Variants in EZH2 observed in about 807,000 individuals in gnomAD.
The protein encoded by EZH2 is histone-lysine N-methyltransferase EZH2.
In EZH2, 18 loss-of-function variants were observed where a neutral mutation model predicts 98.4. The ratio of observed to expected loss-of-function variants is 0.18; its 90% CI spans 0.13 to 0.27. The LOEUF is 0.27. Ranked by LOEUF, EZH2 falls within the 10% of genes least tolerant of loss-of-function variation. The pLI, the probability that EZH2 is intolerant of heterozygous loss-of-function variation, is 1.00. For synonymous variants in EZH2, 338 were observed against 312.3 expected, an observed-to-expected ratio of 1.08 and a Z score of -0.87; for missense variants, 470 against 935.1, an observed-to-expected ratio of 0.50 and a Z score of 6.49.
At chr7:148,831,630 T>C (rs1329890887) in intron 4 of EZH2, among the ~76,000 whole-genome samples, 1 of 152,198 alleles carries the variant, frequency 6.6e-6, no homozygotes, top group Non-Finnish European at 1.5e-5. Flanking sequence ...GAAACTTCCC[T>C]CAAGGTCATG....
At chr7:148,826,981 T>C (rs1807896147) in intron 7 of EZH2, among the ~76,000 whole-genome samples, 183 bp downstream of exon 7, 1 of 152,260 alleles carries the variant, frequency 6.6e-6, no homozygotes, top group African/African-American at 2.4e-5. Flanking sequence ...GTATTTATTC[T>C]ATCTACAGGA....
chr7:148,841,738 T>C (rs1390127973), intron 3 of EZH2, among the ~76,000 whole-genome samples: 1 of 152,206 alleles, frequency 6.6e-6, no homozygotes, highest in Non-Finnish European at 1.5e-5. Context: ...AATTTTCATT[T>C]ACAATTAACT....
At chr7:148,810,915 A>AC (rs1802871254) in intron 16 of EZH2, among the ~76,000 whole-genome samples, 1 of 151,718 alleles carries the variant, frequency 6.6e-6, no homozygotes, top group Admixed American at 6.6e-5. Flanking sequence ...AAAAAAAAAA[A>AC]AAAAAAATTT....
chr7:148,868,353 T>C (rs1818841859), intron 1 of EZH2, among the ~76,000 whole-genome samples: 1 of 152,014 alleles, frequency 6.6e-6, no homozygotes, highest in Non-Finnish European at 1.5e-5. Context: ...ATCATCACAG[T>C]GGAAAGCAAA....
At chr7:148,878,010 T>C (rs1275600752) in intron 1 of EZH2, among the ~76,000 whole-genome samples, 5 of 152,202 alleles carry the variant, frequency 3.3e-5, no homozygotes, top group African/African-American at 1.2e-4. Flanking sequence ...GTAGACAGTT[T>C]TCTTCAGTTT....
At chr7:148,831,430 A>T (rs55927118) in intron 4 of EZH2, among the ~76,000 whole-genome samples, 15 of 152,320 alleles carry the variant, frequency 9.8e-5, no homozygotes, top group Non-Finnish European at 2.1e-4. Flanking sequence ...AATCATATCC[A>T]CATCATCCTG....
At chr7:148,867,944 G>GCAA (rs1215259251) in intron 1 of EZH2, among the ~76,000 whole-genome samples, 1 of 152,162 alleles carries the variant, frequency 6.6e-6, no homozygotes, top group African/African-American at 2.4e-5. Flanking sequence ...CTAACACATA[G>GCAA]CAAGAGTGAC....
At chr7:148,856,090 A>T (rs2091165) in intron 1 of EZH2, among the ~76,000 whole-genome samples, 7,365 of 152,190 alleles carry the variant, frequency 0.048, 269 homozygotes, top group Middle Eastern at 0.082. Context: ...CAAACTATAC[A>T]GCAAGTCTAA....
chr7:148,882,657 A>T (rs1821179911), intron 1 of EZH2, among the ~76,000 whole-genome samples: 1 of 152,248 alleles, frequency 6.6e-6, no homozygotes, highest in Non-Finnish European at 1.5e-5. Context: ...CTAAAAGTAT[A>T]AACTACATTC....
At chr7:148,846,852 G>C (rs1217466778) in intron 2 of EZH2, among the ~76,000 whole-genome samples, 12 of 136,160 alleles carry the variant, frequency 8.8e-5, no homozygotes, top group African/African-American at 3.7e-4. Flanking sequence ...GTGTGTGTGT[G>C]TGTGTGTGTG....
At chr7:148,859,528 ACAACAACAAAG>A in intron 1 of EZH2, among the ~76,000 whole-genome samples, 1 of 151,818 alleles carries the variant, frequency 6.6e-6, no homozygotes, top group African/African-American at 2.4e-5. Flanking sequence ...AACAACAACA[ACAACAACAAAG>A]TAAAATGTTT....
At chr7:148,824,996 T>A (rs760401533) in intron 8 of EZH2, among the ~76,000 whole-genome samples, 3 of 152,194 alleles carry the variant, frequency 2.0e-5, no homozygotes, top group Non-Finnish European at 4.4e-5. Flanking sequence ...CATCTCTGAA[T>A]GGCACAATAA....
chr7:148,850,784 A>T (rs1393349427), intron 1 of EZH2, among the ~76,000 whole-genome samples: 1 of 152,192 alleles, frequency 6.6e-6, no homozygotes, highest in Non-Finnish European at 1.5e-5. Context: ...GCGGATGCCT[A>T]AAGCTGCAGA....
intron 7 of EZH2, 30 bp from the exon 8 acceptor site, chr7:148,826,662 AC>A (rs1376704414): frequency 7.0e-7 from 1 of 1,432,762 alleles, no homozygotes; most frequent in Admixed American, 2.5e-5. Context: ...ATTTAAGTAA[AC>A]ATGAAACAAA....
At chr7:148,857,876 C>A (rs1447124638) in intron 1 of EZH2, among the ~76,000 whole-genome samples, 1 of 151,742 alleles carries the variant, frequency 6.6e-6, no homozygotes, top group African/African-American at 2.4e-5. Flanking sequence ...ATAACATTCA[C>A]TTTTAGAAGT....
At chr7:148,883,485 C>CT (rs1419360764) in intron 1 of EZH2, 1 of 151,496 alleles carries the variant, frequency 6.6e-6, no homozygotes, top group Admixed American at 6.6e-5. Context: ...GAAGCTACTC[C>CT]GAGTTCCCCG....
intron 1 of EZH2, among the ~76,000 whole-genome samples, chr7:148,871,577 C>CTTTTTTTTTTTTTTTTTTTTT (rs376098406): frequency 1.5e-5 from 2 of 135,244 alleles, no homozygotes; most frequent in African/African-American, 5.6e-5. Context: ...AGTGTATTTT[C>CTTTTTTTTTTTTTTTTTTTTT]TTTTTTTTTT....
chr7:148,810,058 A>G (rs894367735), intron 17 of EZH2: 1 of 330,834 alleles, frequency 3.0e-6, no homozygotes, highest in Non-Finnish European at 5.7e-6. Flanking sequence ...GGTGAGCAGC[A>G]AGAGCACAAC....
Position 148,809,146 on chromosome 7 carries a change from A to G in EZH2, c.2120T>C (p.Val707Ala). 6.2e-7 allele frequency: 1 copy of G among 1,614,200 alleles called. No homozygotes were observed. Among genetic ancestry groups the G allele is most frequent in the African/African-American group, 1.3e-5 (1 of 75,062 alleles). The stretch of plus-strand genomic sequence containing the variant: ...AATACCTATCCTGTGATCACCGTTA[A>G]CCATCATAACTGCAAAGAGACACAC... Reference protein sequence around the residue: ...NPNCYAKVMMVNGDHRIGIFA... With the variant: ...NPNCYAKVMMANGDHRIGIFA... The change falls in exon 19 of 20, where the codon GTT (valine) becomes GCT (alanine). Residue 707 changes from valine to alanine, a missense_variant. Coordinates refer to ENST00000320356, the MANE Select transcript of EZH2 (RefSeq NM_004456.5).
Sources: allele counts gnomAD v4.1 joint callset (sites outside exome capture counted in the v4.1 genomes callset), GRCh38; gene constraint gnomAD v4.1.1; transcripts MANE v1.5; gene names NCBI Gene and HGNC (gene_info 2026-07-23, HGNC 2026-07-21).